Variants in SRGAP2B observed in about 807,000 individuals in gnomAD.
SRGAP2B encodes the protein SLIT-ROBO Rho GTPase activating protein 2B, also known as SLIT-ROBO Rho GTPase-activating protein 2B.
A neutral mutation model predicts 22.2 loss-of-function variants in SRGAP2B; 9 were observed. The observed-to-expected ratio is 0.41, with a 90% confidence interval of 0.24 to 0.71. The LOEUF (loss-of-function observed/expected upper bound fraction) is 0.71. SRGAP2B is among the 30% of genes least tolerant of loss of function. The probability of loss-of-function intolerance (pLI) is 0.35; values close to 1 mark genes in which losing one functional copy is unlikely to be tolerated. For missense variants in SRGAP2B, 114 were observed against 235.8 expected, an observed-to-expected ratio of 0.48 and a Z score of 3.38; for synonymous variants, 36 against 87.4, an observed-to-expected ratio of 0.41 and a Z score of 3.28.
intron 2 of SRGAP2B, among the ~76,000 whole-genome samples, chr1:145,044,275 T>C (rs1649494943): frequency 8.2e-6 from 1 of 122,330 alleles, no homozygotes; most frequent in Non-Finnish European, 1.6e-5. Flanking sequence ...CAAAAGGCCA[T>C]GGGAGTCAAC....
At chr1:144,923,362 C>G (rs1664395584) in intron 4 of SRGAP2B, among the ~76,000 whole-genome samples, 1 of 150,524 alleles carries the variant, frequency 6.6e-6, no homozygotes, top group African/African-American at 2.5e-5. Flanking sequence ...AGGCCCTGAT[C>G]TCTCATGCCA....
In SRGAP2B at chr1:144,953,775, T is replaced by G. The variant is rs1334802196; in HGVS notation, c.423+1664A>C. Among the ~76,000 whole-genome samples the G allele has an allele frequency of 5.3e-5, 8 of 150,474 alleles. 1 individual carries two copies. The highest frequency in any genetic ancestry group is 2.0e-4 in the African/African-American group (8 of 40,092). Reference sequence around the variant, plus strand: ...TGGTTTTTCTCTAACCTTCTAAGGCTTGGTAAAAAGGGAGCTGAGAGACTG... The same window carrying G: ...TGGTTTTTCTCTAACCTTCTAAGGCGTGGTAAAAAGGGAGCTGAGAGACTG... On this transcript the variant is annotated intron_variant, in intron 4 of 9. Coordinates refer to ENST00000612199, the Ensembl canonical transcript of SRGAP2B.
At chr1:144,951,210 C>T (rs587731124) in intron 4 of SRGAP2B, among the ~76,000 whole-genome samples, 1 of 147,664 alleles carries the variant, frequency 6.8e-6, no homozygotes. Context: ...GGGTCTGGCT[C>T]TGTTACTCAG....
intron 3 of SRGAP2B, among the ~76,000 whole-genome samples, chr1:144,980,035 A>G (rs1669204005): frequency 6.7e-6 from 1 of 150,296 alleles, no homozygotes; most frequent in Non-Finnish European, 1.5e-5. Context: ...GAGCAAGAAC[A>G]AGACTGACAA....
intron 4 of SRGAP2B, among the ~76,000 whole-genome samples, chr1:144,952,502 A>ATT (rs58511588): frequency 6.9e-6 from 1 of 145,372 alleles, no homozygotes; most frequent in African/African-American, 2.6e-5. Flanking sequence ...GAATGAATCA[A>ATT]TTTTTTTTTT....
intron 2 of SRGAP2B, among the ~76,000 whole-genome samples, chr1:145,030,760 A>ATATC: frequency 1.5e-5 from 1 of 66,210 alleles, no homozygotes; most frequent in Non-Finnish European, 3.1e-5. Context: ...ATATATATAT[A>ATATC]TATAGTCCAT....
At chr1:144,964,654 T>C (rs1667925970) in intron 3 of SRGAP2B, among the ~76,000 whole-genome samples, 2 of 151,178 alleles carry the variant, frequency 1.3e-5, no homozygotes, top group Non-Finnish European at 2.9e-5. Flanking sequence ...CCTTGAACTA[T>C]GCTTAAGACA....
intron 3 of SRGAP2B, among the ~76,000 whole-genome samples, chr1:144,979,742 C>T (rs1372289627): frequency 6.6e-6 from 1 of 151,262 alleles, no homozygotes; most frequent in Non-Finnish European, 1.5e-5. Flanking sequence ...CCGACTCTCA[C>T]TCCCACTCTC....
At chr1:144,962,952 C>T (rs1204420885) in intron 3 of SRGAP2B, among the ~76,000 whole-genome samples, 1 of 151,480 alleles carries the variant, frequency 6.6e-6, no homozygotes, top group Non-Finnish European at 1.5e-5. Context: ...ACATGGCTTT[C>T]CTGCTCCTAA....
chr1:144,911,457 G>T (rs1333583742), intron 5 of SRGAP2B, among the ~76,000 whole-genome samples: 2 of 149,556 alleles, frequency 1.3e-5, no homozygotes, highest in Non-Finnish European at 2.9e-5. Context: ...TTTTAACCTA[G>T]AACTTTTCCA....
intron 6 of SRGAP2B, among the ~76,000 whole-genome samples, 184 bp from the exon 7 acceptor site, chr1:144,905,403 A>G (rs1355696238): frequency 6.7e-6 from 1 of 149,958 alleles, no homozygotes; most frequent in Non-Finnish European, 1.5e-5. Context: ...TCAATTCAGG[A>G]AAGGTTAATG....
chr1:144,932,430 G>A (rs1418522314), intron 4 of SRGAP2B, among the ~76,000 whole-genome samples: 5 of 151,118 alleles, frequency 3.3e-5, no homozygotes, highest in South Asian at 2.1e-4. Context: ...CGTCAGTTCC[G>A]CATTCCTCCT....
chr1:145,008,692 T>G (rs1370735486), intron 2 of SRGAP2B, among the ~76,000 whole-genome samples: 1 of 130,568 alleles, frequency 7.7e-6, no homozygotes, highest in Non-Finnish European at 1.6e-5. Flanking sequence ...CCTGTTCTCT[T>G]AGTTTCGTCT....
intron 3 of SRGAP2B, among the ~76,000 whole-genome samples, chr1:144,976,552 C>T (rs1317312043): frequency 1.4e-5 from 2 of 144,040 alleles, no homozygotes; most frequent in Non-Finnish European, 3.0e-5. Flanking sequence ...CCATTTCCCA[C>T]TAAAAGCAAC....
At chr1:145,093,701 G>A (rs1225292074) in intron 1 of SRGAP2B, among the ~76,000 whole-genome samples, 3 of 148,508 alleles carry the variant, frequency 2.0e-5, no homozygotes, top group Admixed American at 1.3e-4. Context: ...GCGGGGCACC[G>A]GGCGGGGAAT....
At chr1:144,944,511 C>T (rs1666324331) in intron 4 of SRGAP2B, among the ~76,000 whole-genome samples, 1 of 129,912 alleles carries the variant, frequency 7.7e-6, no homozygotes, top group African/African-American at 3.1e-5. Flanking sequence ...CACTTGAGCC[C>T]AGGAGTCTGA....
At chr1:144,891,503 A>G (rs1414745557) in exon 10 of SRGAP2B, 1 of 40,282 alleles carries the variant, frequency 2.5e-5, no homozygotes, top group Non-Finnish European at 5.5e-5. Context: ...CAAGCTCAAA[A>G]TAACTCAATT....
At chr1:145,041,763 T>C (rs1384943243) in intron 2 of SRGAP2B, among the ~76,000 whole-genome samples, 5 of 144,382 alleles carry the variant, frequency 3.5e-5, no homozygotes, top group African/African-American at 1.2e-4. Flanking sequence ...GCAAATTATG[T>C]GGCAAGACCA....
chr1:145,022,377 G>A (rs1388977002), intron 2 of SRGAP2B, among the ~76,000 whole-genome samples: 1 of 116,526 alleles, frequency 8.6e-6, no homozygotes, highest in Non-Finnish European at 1.7e-5. Flanking sequence ...ATAAGGGAGG[G>A]GAAGTGGAAA....
Sources: gnomAD v4.1 joint callset for allele counts (sites outside exome capture counted in the v4.1 genomes callset) on GRCh38, gnomAD v4.1.1 for gene constraint, MANE v1.5 for transcripts, NCBI Gene and HGNC (gene_info 2026-07-23, HGNC 2026-07-21) for gene names.